Variants in XIRP2 observed in about 807,000 individuals in gnomAD.
XIRP2 encodes the protein xin actin-binding repeat-containing protein 2.
A neutral mutation model predicts 277.0 loss-of-function variants in XIRP2; 236 were observed. The observed-to-expected ratio is 0.85, with a 90% CI of 0.77 to 0.95. The LOEUF (loss-of-function observed/expected upper bound fraction) is 0.95, where lower values mean the gene tolerates loss of function less well. Among genes scored for constraint, XIRP2 ranks in the 40% least tolerant of loss-of-function variants. The pLI is 0.00. For missense variants in XIRP2, 4,640 were observed against 4,157.5 expected (o/e 1.12, Z -3.19); for synonymous variants, 1,490 against 1,416.5 (o/e 1.05, Z -1.17).
intron 2 of XIRP2, among the ~76,000 whole-genome samples, chr2:167,129,420 A>G (rs1003579016): frequency 6.6e-6 from 1 of 152,060 alleles, no homozygotes; most frequent in Non-Finnish European, 1.5e-5. Context: ...TTCTTTTCAA[A>G]TGCCTGGTAA....
intron 2 of XIRP2, among the ~76,000 whole-genome samples, chr2:167,086,979 C>T (rs138564284): frequency 0.12 from 18,254 of 152,024 alleles, 2,324 homozygotes; most frequent in African/African-American, 0.32. Flanking sequence ...TGTTCCGTTG[C>T]TGGTGAGGAA....
At chr2:166,978,196 GT>G (rs1686766587) in intron 2 of XIRP2, among the ~76,000 whole-genome samples, 1 of 152,052 alleles carries the variant, frequency 6.6e-6, no homozygotes, top group South Asian at 2.1e-4. Flanking sequence ...CTGAAAGTGT[GT>G]ATTTGTTTAT....
chr2:167,083,815 GC>G (rs1283346504), intron 2 of XIRP2, among the ~76,000 whole-genome samples: 1 of 152,126 alleles, frequency 6.6e-6, no homozygotes, highest in African/African-American at 2.4e-5. Flanking sequence ...TGCTGAAGTT[GC>G]TTGTCAGCTT....
At chr2:167,122,313 G>A (rs1385762643) in intron 2 of XIRP2, among the ~76,000 whole-genome samples, 2 of 152,142 alleles carry the variant, frequency 1.3e-5, no homozygotes, top group Admixed American at 1.3e-4. Context: ...GCTTTTCTGT[G>A]CCTATTTACT....
chr2:167,077,177 C>T (rs1475337302), intron 2 of XIRP2, among the ~76,000 whole-genome samples: 1 of 151,922 alleles, frequency 6.6e-6, no homozygotes, highest in South Asian at 2.1e-4. Flanking sequence ...ATTTTGCTTT[C>T]ATAGATTATT....
chr2:167,032,901 C>T (rs1434174962), intron 2 of XIRP2, among the ~76,000 whole-genome samples: 2 of 152,128 alleles, frequency 1.3e-5, no homozygotes, highest in Admixed American at 1.3e-4. Flanking sequence ...CCTCAAGGAT[C>T]TAGAACCAGT....
At chr2:166,916,437 A>G (rs1289704616) in intron 2 of XIRP2, among the ~76,000 whole-genome samples, 1 of 152,200 alleles carries the variant, frequency 6.6e-6, no homozygotes, top group Non-Finnish European at 1.5e-5. Flanking sequence ...GTATTTCTGT[A>G]AAAGCATTTA....
chr2:167,011,846 T>A (rs1363486790), intron 2 of XIRP2, among the ~76,000 whole-genome samples: 9 of 152,262 alleles, frequency 5.9e-5, no homozygotes, highest in African/African-American at 2.2e-4. Flanking sequence ...CTAGATTTTC[T>A]AGTTTATTTG....
intron 2 of XIRP2, among the ~76,000 whole-genome samples, chr2:167,134,519 C>A (rs926844281): frequency 6.6e-6 from 1 of 151,964 alleles, no homozygotes; most frequent in African/African-American, 2.4e-5. Context: ...TAAGAGGTAA[C>A]AAAAGTGAAA....
chr2:167,062,631 G>A (rs1689200157), intron 2 of XIRP2, among the ~76,000 whole-genome samples: 1 of 152,142 alleles, frequency 6.6e-6, no homozygotes, highest in Non-Finnish European at 1.5e-5. Flanking sequence ...CACCAAGGAA[G>A]ATATCTGGGC....
chr2:167,154,246 G>C (rs549137925), intron 3 of XIRP2, among the ~76,000 whole-genome samples: 1 of 149,352 alleles, frequency 6.7e-6, no homozygotes, highest in Non-Finnish European at 1.5e-5. Context: ...GCCACTTTTT[G>C]ATGGGGTTGT....
In XIRP2 at chr2:167,245,352, A is replaced by G. The variant is rs200624084; in HGVS notation, c.3960A>G (p.Pro1320=). 5 of 1,613,768 alleles carry G rather than the reference A, an allele frequency of 3.1e-6. No homozygotes were observed. In the Admixed American group the frequency reaches 8.3e-5, roughly 27 times the overall value. ...KSYRMLFETQ[P]LYAIQDREGS... ...ACAGAATGCTCTTTGAAACCCAGCC[A>G]CTCTATGCAATTCAAGACCGAGAAG... is the stretch of plus-strand genomic sequence containing the variant. The change falls in exon 9 of 11, where the codon CCA becomes CCG. Residue 1320 remains proline (P), a synonymous_variant. Coordinates refer to ENST00000409195, the MANE Select transcript of XIRP2 (RefSeq NM_152381.6).
Position 167,237,811 on chromosome 2 carries a change from G to A in XIRP2, c.859-2044G>A, listed in dbSNP as rs572069226. On this transcript the variant is annotated intron_variant, in intron 5 of 10. Coordinates refer to ENST00000409195, the MANE Select transcript of XIRP2 (RefSeq NM_152381.6). The stretch of plus-strand genomic sequence containing the variant: ...ATTGGTACTTCCTATTTCTCAGTGT[G>A]TGCATAAGAAAGCCATAGAATATTC... Among the ~76,000 whole-genome samples, 4 of 152,232 alleles carry A rather than the reference G, an allele frequency of 2.6e-5. No homozygotes were observed. In the East Asian group the frequency reaches 7.7e-4, roughly 29 times the overall value.
At chr2:167,185,215 A>G (rs1038944864) in intron 3 of XIRP2, among the ~76,000 whole-genome samples, 1 of 152,106 alleles carries the variant, frequency 6.6e-6, no homozygotes, top group African/African-American at 2.4e-5. Context: ...AACTTAGGTC[A>G]GTTAATTTAT....
intron 5 of XIRP2, among the ~76,000 whole-genome samples, chr2:167,221,695 G>A (rs142159001): frequency 1.9e-4 from 29 of 152,156 alleles, no homozygotes; most frequent in African/African-American, 6.3e-4. Context: ...GGTAAACACA[G>A]GTAGTTTATT....
chr2:167,185,665 G>A (rs528607336), intron 3 of XIRP2, among the ~76,000 whole-genome samples: 2 of 152,146 alleles, frequency 1.3e-5, no homozygotes, highest in Admixed American at 1.3e-4. Flanking sequence ...AATTGACTAT[G>A]TTTACATTGT....
At chr2:167,095,287 T>C (rs1215773304) in intron 2 of XIRP2, among the ~76,000 whole-genome samples, 2 of 152,218 alleles carry the variant, frequency 1.3e-5, no homozygotes, top group African/African-American at 4.8e-5. Flanking sequence ...CCTCTCCTCC[T>C]ATTTGAATAA....
At chr2:167,201,186 GAGAGAAAGAAAGAA>G (rs1417096421) in intron 3 of XIRP2, among the ~76,000 whole-genome samples, 47 of 116,718 alleles carry the variant, frequency 4.0e-4, no homozygotes, top group African/African-American at 7.3e-4. Context: ...GAAAGAGAGA[GAGAGAAAGAAAGAA>G]AGAAAGAAAG....
rs527670546 is a variant in XIRP2 at position 167,151,797 on chromosome 2, A to G, written c.562+15735A>G. 5.9e-5 allele frequency among the ~76,000 whole-genome samples: 9 copies of G among 152,242 alleles called. No individual in the cohort carries two copies. In the South Asian group the frequency reaches 1.9e-3, roughly 32 times the overall value. ...GTAGGTAAACCATAATGTGGGACTG[A>G]AGGAGAAAAACTAGGTGCATGGTTG... On this transcript the variant is annotated intron_variant, in intron 3 of 10. Coordinates refer to ENST00000409195, the MANE Select transcript of XIRP2 (RefSeq NM_152381.6).
Sources: allele counts gnomAD v4.1 joint callset (sites outside exome capture counted in the v4.1 genomes callset), GRCh38; gene constraint gnomAD v4.1.1; transcripts MANE v1.5; gene names NCBI Gene and HGNC (gene_info 2026-07-23, HGNC 2026-07-21).